Variants in BICC1 observed in about 807,000 individuals in gnomAD.
BICC1 encodes BicC family RNA binding protein 1, also known as protein bicaudal C homolog 1.
BICC1 carries 43 observed loss-of-function variants against 111.0 expected under a neutral mutation model. The observed-to-expected ratio is 0.39, with a 90% CI of 0.30 to 0.50. The LOEUF is 0.50. Among genes scored for constraint, BICC1 ranks in the 20% least tolerant of loss-of-function variants. BICC1 has a pLI of 0.88. For missense variants in BICC1, 1,091 were observed against 1,203.2 expected (o/e 0.91, Z 1.38); for synonymous variants, 467 against 434.4 (o/e 1.07, Z -0.93).
Position 58,707,149 on chromosome 10 carries a change from G to A in BICC1, c.307+5006G>A, listed in dbSNP as rs371216583. The stretch of plus-strand genomic sequence containing the variant: ...TCCCAGAATCAACAAAAGAATCTTC[G>A]TAATTCCATGAGGTTTTATTGTTTT... On this transcript the variant is annotated intron_variant, in intron 3 of 20. Transcript: ENST00000373886. Among the ~76,000 whole-genome samples, 54 of 152,306 alleles carry A rather than the reference G, an allele frequency of 3.5e-4. 1 individual carries two copies. The South Asian group carries it at 8.9e-3, about 25-fold the overall frequency.
At chr10:58,638,983 T>A (rs1020329250) in intron 2 of BICC1, among the ~76,000 whole-genome samples, 2 of 148,908 alleles carry the variant, frequency 1.3e-5, no homozygotes, top group South Asian at 4.5e-4. Context: ...ATTGTATATA[T>A]TTATGGTGTA....
At chr10:58,673,800 T>TG (rs1839254594) in intron 2 of BICC1, among the ~76,000 whole-genome samples, 1 of 150,924 alleles carries the variant, frequency 6.6e-6, no homozygotes, top group Non-Finnish European at 1.5e-5. Flanking sequence ...TTTTTTTTTT[T>TG]TGTATTTTTA....
chr10:58,541,738 G>A (rs1842987587), intron 1 of BICC1, among the ~76,000 whole-genome samples: 1 of 151,890 alleles, frequency 6.6e-6, no homozygotes, highest in Non-Finnish European at 1.5e-5. Flanking sequence ...AGAGGACCCA[G>A]AAAAGCCAAA....
Position 58,523,851 on chromosome 10 carries a change from C to G in BICC1, c.190+10518C>G, listed in dbSNP as rs1468695823. Among the ~76,000 whole-genome samples the G allele has an allele frequency of 2.0e-5, 3 of 152,206 alleles. No individual in the cohort carries two copies. In the East Asian group the frequency reaches 5.8e-4, roughly 29 times the overall value. On this transcript the variant is annotated intron_variant, in intron 1 of 20. Coordinates refer to ENST00000373886, the MANE Select transcript of BICC1 (RefSeq NM_001080512.3). ...TCCTTAAGCTGATAGACAACTTCAGCAAAGTCTTAGGATACAAAATGAATG... is the reference window on the plus strand; with the variant it reads ...TCCTTAAGCTGATAGACAACTTCAGGAAAGTCTTAGGATACAAAATGAATG...
intron 2 of BICC1, among the ~76,000 whole-genome samples, chr10:58,621,524 A>G (rs543414449): frequency 2.6e-3 from 389 of 152,210 alleles, no homozygotes; most frequent in African/African-American, 8.8e-3. Flanking sequence ...ACAAGAGAAG[A>G]CGAATAGGCT....
chr10:58,791,680 C>T (rs895184561), intron 8 of BICC1, among the ~76,000 whole-genome samples: 3 of 151,884 alleles, frequency 2.0e-5, no homozygotes, highest in East Asian at 1.9e-4. Flanking sequence ...GTGGAGGTTG[C>T]GGTGAGCCGA....
chr10:58,642,485 G>A (rs1319403978), intron 2 of BICC1, among the ~76,000 whole-genome samples: 1 of 152,084 alleles, frequency 6.6e-6, no homozygotes, highest in Non-Finnish European at 1.5e-5. Flanking sequence ...AACTTTTCCT[G>A]TAATGAGTTC....
At chr10:58,796,570 T>C (rs2132848192) in intron 10 of BICC1, 44 bp downstream of exon 10, 2 of 1,541,760 alleles carry the variant, frequency 1.3e-6, no homozygotes, top group Non-Finnish European at 1.8e-6. Flanking sequence ...ACTGGGGAAA[T>C]GCTTGTCTGG....
intron 6 of BICC1, among the ~76,000 whole-genome samples, chr10:58,789,026 G>A (rs1843095492): frequency 6.6e-6 from 1 of 152,118 alleles, no homozygotes; most frequent in Admixed American, 6.6e-5. Context: ...AGGAGGTGGA[G>A]GCTGTAGTGA....
intron 1 of BICC1, among the ~76,000 whole-genome samples, chr10:58,610,001 T>C (rs1230607154): frequency 6.6e-6 from 1 of 152,194 alleles, no homozygotes; most frequent in African/African-American, 2.4e-5. Flanking sequence ...TGACCAACGT[T>C]TCTGTTAATC....
At chr10:58,701,689 C>CG (rs1344569463) in intron 2 of BICC1, among the ~76,000 whole-genome samples, 1 of 152,050 alleles carries the variant, frequency 6.6e-6, no homozygotes, top group Non-Finnish European at 1.5e-5. Context: ...TTACAGGAAT[C>CG]ATGTTTGGTG....
chr10:58,522,502 A>T (rs1015660116), intron 1 of BICC1, among the ~76,000 whole-genome samples: 17 of 152,138 alleles, frequency 1.1e-4, no homozygotes, highest in African/African-American at 4.1e-4. Flanking sequence ...GTTCTTTGAA[A>T]CCAACGACAA....
At chr10:58,533,057 A>C (rs116965712) in intron 1 of BICC1, among the ~76,000 whole-genome samples, 3 of 150,118 alleles carry the variant, frequency 2.0e-5, no homozygotes, top group Non-Finnish European at 1.5e-5. Context: ...CCTCCGTCCC[A>C]AAAAGAAAAA....
At chr10:58,603,183 C>T (rs891516259) in intron 1 of BICC1, among the ~76,000 whole-genome samples, 4 of 152,110 alleles carry the variant, frequency 2.6e-5, no homozygotes, top group Non-Finnish European at 5.9e-5. Context: ...CTCTTACTTG[C>T]CTCAGAGTAA....
At chr10:58,689,767 G>A (rs1227067012) in intron 2 of BICC1, among the ~76,000 whole-genome samples, 2 of 152,200 alleles carry the variant, frequency 1.3e-5, no homozygotes, top group Non-Finnish European at 2.9e-5. Flanking sequence ...CCACGGTGGT[G>A]TAAGCTGAGT....
At chr10:58,705,186 A>T (rs1840354152) in intron 3 of BICC1, among the ~76,000 whole-genome samples, 1 of 152,204 alleles carries the variant, frequency 6.6e-6, no homozygotes, top group Non-Finnish European at 1.5e-5. Flanking sequence ...GCTATATTTA[A>T]CAAGTTTCAC....
intron 18 of BICC1, among the ~76,000 whole-genome samples, chr10:58,814,636 A>G (rs936938323): frequency 6.6e-6 from 1 of 151,448 alleles, no homozygotes; most frequent in Non-Finnish European, 1.5e-5. Context: ...AAAAAAAAAA[A>G]AACAAGAGGC....
At chr10:58,562,381 T>A (rs984805685) in intron 1 of BICC1, among the ~76,000 whole-genome samples, 2 of 152,102 alleles carry the variant, frequency 1.3e-5, no homozygotes, top group Non-Finnish European at 2.9e-5. Context: ...ATCAGTCTCT[T>A]CTGCTTGATC....
intron 2 of BICC1, among the ~76,000 whole-genome samples, chr10:58,633,995 CTTTTTTTTTTTTT>C (rs5785333): frequency 1.0e-5 from 1 of 99,956 alleles, no homozygotes; most frequent in Non-Finnish European, 2.0e-5. Flanking sequence ...TTTTTCTTTT[CTTTTTTTTTTTTT>C]TTTTAGATGG....
Sources: gnomAD v4.1 joint callset for allele counts (sites outside exome capture counted in the v4.1 genomes callset) on GRCh38, gnomAD v4.1.1 for gene constraint, MANE v1.5 for transcripts, NCBI Gene and HGNC (gene_info 2026-07-23, HGNC 2026-07-21) for gene names.